Variants in WDR72 observed in about 807,000 individuals in gnomAD.
WDR72 encodes WD repeat-containing protein 72.
In WDR72, 120 loss-of-function variants were observed where a neutral mutation model predicts 124.2. The observed-to-expected ratio is 0.97, with a 90% confidence interval of 0.83 to 1.12. WDR72 has a LOEUF of 1.12. Ranked by LOEUF, WDR72 falls within the 50% of genes most tolerant of loss-of-function variation. WDR72 has a pLI of 0.00. For missense variants in WDR72, 1,387 were observed against 1,278.8 expected (o/e 1.08, Z -1.29); for synonymous variants, 452 against 441.7 (o/e 1.02, Z -0.29).
Position 53,733,220 on chromosome 15 carries a change from C to G in WDR72, c.-12-59G>C, listed in dbSNP as rs200088129. 1.2e-4 allele frequency: 193 copies of G among 1,574,392 alleles called. 2 individuals are homozygous for G. The East Asian group carries it at 4.1e-3, about 33-fold the overall frequency. On this transcript the variant is annotated intron_variant, in intron 1 of 19. Transcript: ENST00000360509. ...TCATCTTTTTGAAATTTGAGGAAAC[C>G]GATAATATTACAAGCAGATTTATGA...
chr15:53,533,655 T>A (rs1892603473), intron 18 of WDR72, among the ~76,000 whole-genome samples: 1 of 152,136 alleles, frequency 6.6e-6, no homozygotes, highest in Non-Finnish European at 1.5e-5. Flanking sequence ...CCTCTCTTTA[T>A]CCTTCCAATC....
chr15:53,561,710 C>A (rs969369255), intron 18 of WDR72, among the ~76,000 whole-genome samples: 1 of 151,810 alleles, frequency 6.6e-6, no homozygotes, highest in African/African-American at 2.4e-5. Flanking sequence ...TGCTTTAATG[C>A]AGTACTTCTA....
chr15:53,565,259 T>G (rs766677655), intron 18 of WDR72, among the ~76,000 whole-genome samples: 5 of 151,908 alleles, frequency 3.3e-5, no homozygotes, highest in Non-Finnish European at 5.9e-5. Flanking sequence ...AGATGCAGTT[T>G]AAGAAGTTGA....
intron 13 of WDR72, among the ~76,000 whole-genome samples, chr15:53,671,781 T>C (rs1278848279): frequency 6.6e-6 from 1 of 152,110 alleles, no homozygotes; most frequent in Non-Finnish European, 1.5e-5. Flanking sequence ...AGCGAGTCAG[T>C]TTCTGAATGT....
intron 13 of WDR72, among the ~76,000 whole-genome samples, chr15:53,684,834 G>C (rs1388057272): frequency 6.6e-6 from 1 of 152,222 alleles, no homozygotes; most frequent in Non-Finnish European, 1.5e-5. Context: ...GAAGAGAGCA[G>C]TGATTCTCCC....
At chr15:53,623,172 C>A (rs982282255) in intron 14 of WDR72, among the ~76,000 whole-genome samples, 1 of 151,982 alleles carries the variant, frequency 6.6e-6, no homozygotes, top group Non-Finnish European at 1.5e-5. Context: ...TCAGGGGCTA[C>A]ATCTGCAGAT....
At position 53,715,231 on chromosome 15, in the gene WDR72, A is replaced by C. The variant is rs761263448; in HGVS notation, c.476T>G (p.Ile159Ser). The change falls in exon 5 of 20, where the codon ATC (isoleucine) becomes AGC (serine). Residue 159 changes from isoleucine (I) to serine (S), a missense_variant. Transcript: ENST00000360509. ...SFRSSQFPDW[I>S]NCMCIVHSMR... ...GGAGTGAACAATGCACATGCAGTTGATCCAGTCAGGAAACTGAGATGATCT... is the reference window on the plus strand; with the variant it reads ...GGAGTGAACAATGCACATGCAGTTGCTCCAGTCAGGAAACTGAGATGATCT... 6.2e-7 allele frequency: 1 copy of C among 1,614,154 alleles called. No individual in the cohort carries two copies. The highest frequency in any genetic ancestry group is 1.1e-5 in the South Asian group (1 of 91,084).
rs540713406 is a variant in WDR72, at chr15:53,715,286, C to T, written c.421G>A (p.Ala141Thr). ...GEYQDVLIID[A>T]KTLAVVHSFR... ...CTGTGAACAACAGCCAAAGTTTTGGCATCAATTATAAGGACATCTTGATAT... is the reference window on the plus strand; with the variant it reads ...CTGTGAACAACAGCCAAAGTTTTGGTATCAATTATAAGGACATCTTGATAT... The change falls in exon 5 of 20, where the codon GCC (alanine) becomes ACC (threonine). Residue 141 changes from alanine to threonine, a missense_variant. Physicochemically the swap from Ala to Thr is moderately conservative, Grantham distance 58. Coordinates refer to ENST00000360509, the MANE Select transcript of WDR72 (RefSeq NM_182758.4). The T allele has an allele frequency of 2.3e-5, 37 of 1,614,008 alleles. No individual in the cohort carries two copies. The South Asian group carries it at 2.6e-4, about 11-fold the overall frequency.
intron 18 of WDR72, among the ~76,000 whole-genome samples, chr15:53,565,774 A>G (rs556885327): frequency 5.9e-5 from 9 of 151,876 alleles, no homozygotes; most frequent in Admixed American, 3.9e-4. Flanking sequence ...AATTAAAAAA[A>G]AAACAGAATT....
chr15:53,706,043 A>G lies in WDR72; in HGVS notation c.986T>C (p.Met329Thr), dbSNP rs143944761. The part of the protein sequence containing the change: ...EQSRPFVMGY[M>T]NERKEPFYKV... The stretch of plus-strand genomic sequence containing the variant: ...GTAAAAAGGCTCTTTCCTTTCATTC[A>G]TGTAGCCCATAACAAAGGGACGGCT... Residue 329 changes from methionine (M) to threonine (T), a missense_variant, in exon 10 of 20, where the codon ATG becomes ACG. Physicochemically the swap from Met to Thr is moderately conservative, Grantham distance 81 (BLOSUM62 -1). Transcript: ENST00000360509. The G allele has an allele frequency of 7.6e-5, 123 of 1,614,094 alleles. No individual in the cohort carries two copies. Among genetic ancestry groups the G allele is most frequent in the Non-Finnish European group, 9.4e-5 (111 of 1,180,000 alleles).
chr15:53,733,255 T>G lies in WDR72; in HGVS notation c.-12-94A>C, dbSNP rs2018256714. Reference sequence around the variant, plus strand: ...ACAAGCAGATTTATGATGACCAAACTTCAATGATGTGTTCTCCCAGTGCTA... The same window carrying G: ...ACAAGCAGATTTATGATGACCAAACGTCAATGATGTGTTCTCCCAGTGCTA... On this transcript the variant is annotated intron_variant, in intron 1 of 19. Transcript: ENST00000360509. 14 of 1,326,752 alleles carry G rather than the reference T, an allele frequency of 1.1e-5. No homozygotes were observed. In the East Asian group the frequency reaches 3.3e-4, roughly 31 times the overall value. The allele number at this position is 1,326,752 out of a possible 1,614,324, so 82.2% of individuals were successfully genotyped here.
chr15:53,618,372 T>A (rs1219223226), intron 14 of WDR72, among the ~76,000 whole-genome samples: 3 of 152,016 alleles, frequency 2.0e-5, no homozygotes, highest in African/African-American at 7.2e-5. Flanking sequence ...TATGTTTATA[T>A]TACTTGCCTA....
chr15:53,660,569 G>A (rs1351657959), intron 14 of WDR72, among the ~76,000 whole-genome samples: 2 of 151,888 alleles, frequency 1.3e-5, no homozygotes, highest in Non-Finnish European at 2.9e-5. Context: ...ATCACCATAA[G>A]GTCAGCTAAA....
At chr15:53,578,660 C>T (rs1481801522) in intron 18 of WDR72, among the ~76,000 whole-genome samples, 2 of 151,834 alleles carry the variant, frequency 1.3e-5, no homozygotes, top group African/African-American at 4.8e-5. Flanking sequence ...TGTAAATGAG[C>T]CTTATGAATC....
At chr15:53,682,926 C>T (rs1427032964) in intron 13 of WDR72, among the ~76,000 whole-genome samples, 1 of 152,078 alleles carries the variant, frequency 6.6e-6, no homozygotes, top group African/African-American at 2.4e-5. Context: ...AAGAAAGAGG[C>T]TTAATTGACT....
At chr15:53,671,936 G>GA (rs146931682) in intron 13 of WDR72, among the ~76,000 whole-genome samples, 4 of 150,252 alleles carry the variant, frequency 2.7e-5, no homozygotes, top group Non-Finnish European at 4.4e-5. Context: ...AGAGAAAAGA[G>GA]AAAAAAAAGG....
At chr15:53,615,304 G>A in intron 15 of WDR72, 122 bp downstream of exon 15, 1 of 727,020 alleles carries the variant, frequency 1.4e-6, no homozygotes, top group Non-Finnish European at 2.2e-6. Context: ...ACCAGAAATT[G>A]TTGCATACTT....
chr15:53,700,714 G>C lies in WDR72; in HGVS notation c.1570-769C>G, dbSNP rs189357436. On this transcript the variant is annotated intron_variant, in intron 12 of 19. Coordinates refer to ENST00000360509, the MANE Select transcript of WDR72 (RefSeq NM_182758.4). ...TGGAGGCGGGGATGCAGGGAGGATT[G>C]GGATACATGTTTTCTTTCCTAATTC... Among the ~76,000 whole-genome samples the C allele has an allele frequency of 2.8e-4, 42 of 152,130 alleles. No individual in the cohort carries two copies. The East Asian group carries it at 8.1e-3, about 29-fold the overall frequency.
chr15:53,619,266 G>T (rs1394454921), intron 14 of WDR72, among the ~76,000 whole-genome samples: 1 of 131,172 alleles, frequency 7.6e-6, no homozygotes, highest in African/African-American at 3.9e-5. Flanking sequence ...CTTTATAATT[G>T]TGTGTGTGTG....
Sources: allele counts gnomAD v4.1 joint callset (sites outside exome capture counted in the v4.1 genomes callset), GRCh38; gene constraint gnomAD v4.1.1; transcripts MANE v1.5; gene names NCBI Gene and HGNC (gene_info 2026-07-23, HGNC 2026-07-21).